The following LANCL3 variants were observed in gnomAD, a reference collection of about 807,000 sequenced individuals.
The protein encoded by LANCL3 is lanC-like protein 3.
In LANCL3, 19 loss-of-function variants were observed where a neutral mutation model predicts 26.5. The observed-to-expected ratio is 0.72, with a 90% confidence interval of 0.50 to 1.05. The LOEUF is 1.05. LANCL3 is among the 50% of genes least tolerant of loss of function. LANCL3 has a pLI of 0.00. For synonymous variants in LANCL3, 160 were observed against 166.6 expected, an observed-to-expected ratio of 0.96 and a Z score of 0.30; for missense variants, 318 against 362.7, an observed-to-expected ratio of 0.88 and a Z score of 1.00.
rs187656112 is a variant in LANCL3 at position 37,633,799 on chromosome X, C to T, written c.574-21889C>T. Reference sequence around the variant, plus strand: ...GATCGTTCCTCTGGAAGTTTTGTCTCAGAGGCGTACCCGGCCATGTGAGAA... The same window carrying T: ...GATCGTTCCTCTGGAAGTTTTGTCTTAGAGGCGTACCCGGCCATGTGAGAA... On this transcript the variant is annotated intron_variant, in intron 1 of 4. Transcript: ENST00000378619. Among the ~76,000 whole-genome samples, 4 of 111,580 alleles carry T rather than the reference C, an allele frequency of 3.6e-5. No homozygotes were observed. The Admixed American group carries it at 3.8e-4, about 11-fold the overall frequency.
In LANCL3 at chrX:37,572,449, A is replaced by T; in HGVS notation, c.573+6A>T. 2.6e-6 allele frequency: 3 copies of T among 1,167,512 alleles called. No individual in the cohort carries two copies. The highest frequency in any genetic ancestry group is 3.4e-6 in the Non-Finnish European group (3 of 872,732). On this transcript the variant is annotated splice_donor_region_variant and intron_variant, in intron 1 of 4. Coordinates refer to ENST00000378619, the MANE Select transcript of LANCL3 (RefSeq NM_001170331.2). ...AGCAGAAACTCGCCCAGGAGGTAAG[A>T]GGTAGCCCGGGCCGCGGGAGGGCGC... is the stretch of plus-strand genomic sequence containing the variant.
rs145014901 is a variant in LANCL3 at position 37,680,896 on chromosome X, A to C, written c.*5083A>C. On this transcript the variant is annotated 3_prime_UTR_variant, in exon 5 of 5. Transcript: ENST00000378619. ...AAAAGAATGAGACTGACTTAAGGAGAGTCAATATCGCATATGAATCAAAAG... is the reference window on the plus strand; with the variant it reads ...AAAAGAATGAGACTGACTTAAGGAGCGTCAATATCGCATATGAATCAAAAG... 7 of 111,643 alleles carry C rather than the reference A, an allele frequency of 6.3e-5. No homozygotes were observed. The highest frequency in any genetic ancestry group is 3.8e-4 in the Admixed American group (4 of 10,496). 9.2% of individuals were successfully genotyped at this position (111,643 alleles called of 1,213,427 possible). A position where few individuals can be genotyped will look rare whatever the true frequency, so the allele number is the denominator to read the frequency against.
chrX:37,647,110 C>T (rs782500607), intron 1 of LANCL3, among the ~76,000 whole-genome samples: 4 of 111,186 alleles, frequency 3.6e-5, no homozygotes, highest in Non-Finnish European at 3.8e-5. Context: ...GTCAGGAAAT[C>T]GAGACCATCC....
intron 1 of LANCL3, among the ~76,000 whole-genome samples, chrX:37,630,664 T>C (rs1447350696): frequency 2.8e-4 from 29 of 102,374 alleles, no homozygotes; most frequent in African/African-American, 9.8e-4. Context: ...GCATGAAGGG[T>C]TGTTGAATTT....
At chrX:37,666,990 G>T (rs903212642) in intron 3 of LANCL3, among the ~76,000 whole-genome samples, 1 of 111,854 alleles carries the variant, frequency 8.9e-6, no homozygotes, top group Non-Finnish European at 1.9e-5. Flanking sequence ...CAATAAAAAT[G>T]TTGCTCTTTC....
Position 37,638,379 on chromosome X carries a change from G to A in LANCL3, c.574-17309G>A, listed in dbSNP as rs1925766101. Among the ~76,000 whole-genome samples the A allele has an allele frequency of 2.7e-5, 3 of 111,595 alleles. No individual in the cohort carries two copies. In the South Asian group the frequency reaches 1.1e-3, roughly 42 times the overall value. ...TGTTCTGGTCACCAAGCCCTGGCAT[G>A]AGGGTGTATCAGCCTGGAGGTAATG... On this transcript the variant is annotated intron_variant, in intron 1 of 4. Transcript: ENST00000378619.
chrX:37,573,095 A>C (rs1306329285), intron 1 of LANCL3, among the ~76,000 whole-genome samples: 1 of 112,894 alleles, frequency 8.9e-6, no homozygotes, highest in Non-Finnish European at 1.9e-5. Context: ...ATATTTGCTT[A>C]GGATGGGCAA....
chrX:37,634,143 G>A (rs1391778538), intron 1 of LANCL3, among the ~76,000 whole-genome samples: 3 of 112,451 alleles, frequency 2.7e-5, no homozygotes, highest in Non-Finnish European at 5.6e-5. Context: ...AATGGCGGGC[G>A]CCCCTCCCCC....
chrX:37,631,101 A>G (rs782313277), intron 1 of LANCL3, among the ~76,000 whole-genome samples: 1 of 111,675 alleles, frequency 9.0e-6, no homozygotes, highest in Admixed American at 9.4e-5. Context: ...TTCGTTGGTA[A>G]GCTATTGATT....
chrX:37,585,139 G>A (rs1287881329), intron 1 of LANCL3, among the ~76,000 whole-genome samples: 1 of 111,930 alleles, frequency 8.9e-6, no homozygotes, highest in Non-Finnish European at 1.9e-5. Flanking sequence ...GTTCTAGTTT[G>A]ATTGCACTGT....
rs1053569821 is a variant in LANCL3 at position 37,676,751 on chromosome X, C to T, written c.*938C>T. ...GTGTCATTTCTGCCTTTGTTTGGGACAGGCAGACAGGCTGAGGAAGTCACC... is the reference window on the plus strand; with the variant it reads ...GTGTCATTTCTGCCTTTGTTTGGGATAGGCAGACAGGCTGAGGAAGTCACC... On this transcript the variant is annotated 3_prime_UTR_variant, in exon 5 of 5. Coordinates refer to ENST00000378619, the MANE Select transcript of LANCL3 (RefSeq NM_001170331.2). 3 of 111,726 alleles carry T rather than the reference C, an allele frequency of 2.7e-5. No individual in the cohort carries two copies. The highest frequency in any genetic ancestry group is 3.8e-5 in the Non-Finnish European group (2 of 53,104). The allele number at this position is 111,726 out of a possible 1,213,427, so 9.2% of individuals were successfully genotyped here.
In LANCL3 at chrX:37,592,647, G is replaced by A. The variant is rs186682013; in HGVS notation, c.573+20204G>A. Among the ~76,000 whole-genome samples the A allele has an allele frequency of 1.4e-4, 16 of 111,702 alleles. No individual in the cohort carries two copies. In the East Asian group the frequency reaches 3.9e-3, roughly 27 times the overall value. Reference sequence around the variant, plus strand: ...AGATAGCAGAAATAAAAATAATTCAGTGCAAAAATTAGAATATTAAGTTGA... The same window carrying A: ...AGATAGCAGAAATAAAAATAATTCAATGCAAAAATTAGAATATTAAGTTGA... On this transcript the variant is annotated intron_variant, in intron 1 of 4. Coordinates refer to ENST00000378619, the MANE Select transcript of LANCL3 (RefSeq NM_001170331.2).
Position 37,571,722 on chromosome X carries a change from C to G in LANCL3, c.-149C>G. ...GCCATCCGCTCCTTGCCCGCCTCCT[C>G]TTGTCACCTCCCGTCTCATCCTTCT... On this transcript the variant is annotated 5_prime_UTR_variant, in exon 1 of 5. Coordinates refer to ENST00000378619, the MANE Select transcript of LANCL3 (RefSeq NM_001170331.2). The G allele has an allele frequency of 2.2e-6, 1 of 458,374 alleles. No individual in the cohort carries two copies. Among genetic ancestry groups the G allele is most frequent in the Non-Finnish European group, 3.5e-6 (1 of 284,058 alleles). 37.8% of individuals were successfully genotyped at this position (458,374 alleles called of 1,213,427 possible).
At chrX:37,606,235 G>C (rs1924712456) in intron 1 of LANCL3, among the ~76,000 whole-genome samples, 1 of 111,144 alleles carries the variant, frequency 9.0e-6, no homozygotes, top group Non-Finnish European at 1.9e-5. Context: ...CAGTATCCAA[G>C]GTTTTTATTG....
chrX:37,629,702 G>C (rs1925428434), intron 1 of LANCL3, among the ~76,000 whole-genome samples: 2 of 110,841 alleles, frequency 1.8e-5, no homozygotes, highest in African/African-American at 6.6e-5. Context: ...TTATTAAATA[G>C]GGAATCCTTT....
intron 1 of LANCL3, among the ~76,000 whole-genome samples, chrX:37,621,402 T>C (rs782629255): frequency 1.0e-3 from 113 of 112,207 alleles, no homozygotes; most frequent in Non-Finnish European, 1.7e-3. Flanking sequence ...GCTACAGGCA[T>C]TAAGCTTAAG....
intron 1 of LANCL3, among the ~76,000 whole-genome samples, chrX:37,579,258 CTTT>C (rs1327182919): frequency 9.0e-6 from 1 of 110,889 alleles, no homozygotes; most frequent in African/African-American, 3.3e-5. Context: ...AGTTTTTCTC[CTTT>C]TTTTGCTATC....
At position 37,572,342 on chromosome X, in the gene LANCL3, G is replaced by T; in HGVS notation, c.472G>T (p.Ala158Ser). The change falls in exon 1 of 5, where the codon GCG becomes TCG. Residue 158 changes from alanine to serine, a missense_variant. Physicochemically the swap from Ala to Ser is moderately conservative, Grantham distance 99. Coordinates refer to ENST00000378619, the MANE Select transcript of LANCL3 (RefSeq NM_001170331.2). ...GTTCCGGGCTCTGTGTGCCGTCTGC[G>T]CGCCGGTCTCCTTCCTGGAGTGCGG... ...GKFRALCAVC[A>S]PVSFLECGSD... is the part of the protein sequence containing the mutation. The T allele has an allele frequency of 5.1e-6, 6 of 1,165,738 alleles. No individual in the cohort carries two copies. Among genetic ancestry groups the T allele is most frequent in the Non-Finnish European group, 6.9e-6 (6 of 872,736 alleles).
At chrX:37,605,935 C>G in intron 1 of LANCL3, among the ~76,000 whole-genome samples, 1 of 111,610 alleles carries the variant, frequency 9.0e-6, no homozygotes, top group Non-Finnish European at 1.9e-5. Context: ...GTCTGAACCT[C>G]CTCTTCCTGT....
Sources: gnomAD v4.1 joint callset for allele counts (sites outside exome capture counted in the v4.1 genomes callset) on GRCh38, gnomAD v4.1.1 for gene constraint, MANE v1.5 for transcripts, NCBI Gene and HGNC (gene_info 2026-07-23, HGNC 2026-07-21) for gene names.